Variants in TMEM230 observed in about 807,000 individuals in gnomAD.
The protein encoded by TMEM230 is transmembrane protein 230.
Under a neutral mutation model 15.8 loss-of-function variants are expected in TMEM230, and 10 were observed. The observed-to-expected ratio is 0.63, with a 90% CI of 0.39 to 1.07. The LOEUF is 1.07. Among genes scored for constraint, TMEM230 ranks in the 50% least tolerant of loss-of-function variants. TMEM230 has a pLI of 0.01. For missense variants in TMEM230, 165 were observed against 193.3 expected, an observed-to-expected ratio of 0.85 and a Z score of 0.87; for synonymous variants, 67 against 76.9, an observed-to-expected ratio of 0.87 and a Z score of 0.68.
rs958049345 is a variant in TMEM230 at position 5,111,511 on chromosome 20, A to G, written c.163T>C (p.Ser55Pro). ...GTAGTCCCACCTACTCGGGAGGCTG[A>G]AGCAGAAGAATCGCTTGAAGCCAGG... The change falls in exon 2 of 5, where the codon TCA becomes CCA. Residue 55 changes from serine to proline, a missense_variant. Ser to Pro is a moderately conservative substitution (Grantham distance 74). Transcript: ENST00000342308. 2 of 197,928 alleles carry G rather than the reference A, an allele frequency of 1.0e-5. No homozygotes were observed. The highest frequency in any genetic ancestry group is 2.4e-5 in the African/African-American group (1 of 40,932). The allele number at this position is 197,928 out of a possible 1,614,324, so 12.3% of individuals were successfully genotyped here. A position where few individuals can be genotyped will look rare whatever the true frequency, so the allele number is the denominator to read the frequency against.
chr20:5,088,400 CAG>C (rs965151365), intron 3 of TMEM230, among the ~76,000 whole-genome samples: 53 of 151,630 alleles, frequency 3.5e-4, no homozygotes, highest in African/African-American at 1.1e-3. Context: ...CCACGGGAGA[CAG>C]AGATTTGAAA....
At chr20:5,059,758 A>G in the TMEM230 span, among the ~76,000 whole-genome samples, 3 of 130,260 alleles carry the variant, frequency 2.3e-5, no homozygotes, top group African/African-American at 5.8e-5. Context: ...CACCACTTCC[A>G]GCTAATTTTT....
At chr20:5,108,962 C>A (rs2090201033) in intron 3 of TMEM230, among the ~76,000 whole-genome samples, 1 of 151,940 alleles carries the variant, frequency 6.6e-6, no homozygotes, top group Non-Finnish European at 1.5e-5. Context: ...TGTAAATAAA[C>A]AGTGATAAAA....
At chr20:5,085,810 C>T (rs533018295) in intron 3 of TMEM230, among the ~76,000 whole-genome samples, 134 of 152,242 alleles carry the variant, frequency 8.8e-4, no homozygotes, top group African/African-American at 3.1e-3. Flanking sequence ...GGAGGCCAGG[C>T]TCTTTTCCAT....
intron 3 of TMEM230, among the ~76,000 whole-genome samples, chr20:5,075,568 T>C (rs939892613): frequency 1.4e-5 from 2 of 147,600 alleles, no homozygotes; most frequent in African/African-American, 5.0e-5. Context: ...CTACTAAAAA[T>C]ACAAAAATTA....
chr20:5,090,591 A>T (rs2089479896), intron 3 of TMEM230, among the ~76,000 whole-genome samples: 3 of 152,200 alleles, frequency 2.0e-5, no homozygotes, highest in Admixed American at 2.0e-4. Flanking sequence ...ATACATAGAA[A>T]ATCATGCAAA....
At position 5,106,328 on chromosome 20, in the gene TMEM230, A is replaced by C; in HGVS notation, c.289-18T>G. On this transcript the variant is annotated intron_variant, in intron 3 of 4. Transcript: ENST00000342308. ...TTCTTAAACTGGAAGAGAAATAGAG[A>C]TGAAAAAGACAACGAAGAACATTAA... 1 of 1,584,784 alleles carries C rather than the reference A, an allele frequency of 6.3e-7. No homozygotes were observed. The highest frequency in any genetic ancestry group is 8.5e-7 in the Non-Finnish European group (1 of 1,169,900).
downstream of TMEM230, among the ~76,000 whole-genome samples, chr20:5,067,570 A>C (rs1039425621): frequency 2.7e-5 from 4 of 150,018 alleles, no homozygotes; most frequent in African/African-American, 9.8e-5. Flanking sequence ...CAGCCTCCCG[A>C]GTAGCTGGGA....
intron 3 of TMEM230, among the ~76,000 whole-genome samples, chr20:5,091,533 T>C (rs111255975): frequency 0.012 from 1,826 of 152,254 alleles, 16 homozygotes; most frequent in Non-Finnish European, 0.017. Context: ...TTTGTTGTTT[T>C]TTTTCTCCCA....
At chr20:5,080,272 G>A (rs538078439) in intron 3 of TMEM230, among the ~76,000 whole-genome samples, 2 of 152,264 alleles carry the variant, frequency 1.3e-5, no homozygotes, top group South Asian at 4.1e-4. Context: ...AATCCTCTTG[G>A]TTTTTGTAAG....
intron 3 of TMEM230, among the ~76,000 whole-genome samples, chr20:5,087,547 T>A (rs1481423996): frequency 6.6e-6 from 1 of 150,984 alleles, no homozygotes; most frequent in African/African-American, 2.4e-5. Context: ...CAGGCTGGAA[T>A]GCAGTGGTAC....
chr20:5,083,625 C>T (rs931859572), intron 3 of TMEM230, among the ~76,000 whole-genome samples: 12 of 152,082 alleles, frequency 7.9e-5, no homozygotes, highest in African/African-American at 2.9e-4. Flanking sequence ...ATCTTAAAAT[C>T]AATATTTATA....
intron 3 of TMEM230, among the ~76,000 whole-genome samples, chr20:5,075,531 C>A (rs193178599): frequency 1.3e-5 from 2 of 151,634 alleles, no homozygotes; most frequent in Non-Finnish European, 2.9e-5. Flanking sequence ...TTGAGACCAG[C>A]CTGGCCAACA....
chr20:5,091,058 G>C (rs1246965123), intron 3 of TMEM230, among the ~76,000 whole-genome samples: 1 of 152,142 alleles, frequency 6.6e-6, no homozygotes, highest in Non-Finnish European at 1.5e-5. Context: ...AAGTGCAGTG[G>C]CGAGATCATG....
chr20:5,066,916 C>G (rs990020598), downstream of TMEM230, among the ~76,000 whole-genome samples: 1 of 152,128 alleles, frequency 6.6e-6, no homozygotes, highest in Non-Finnish European at 1.5e-5. Flanking sequence ...ATCCAAGCCC[C>G]TGTTTAAGCT....
At chr20:5,105,842 C>T (rs1036150483) in intron 4 of TMEM230, among the ~76,000 whole-genome samples, 1 of 152,084 alleles carries the variant, frequency 6.6e-6, no homozygotes, top group African/African-American at 2.4e-5. Flanking sequence ...AGTTAGAGAT[C>T]AGCCTGGGCA....
At chr20:5,059,600 T>C in the TMEM230 span, among the ~76,000 whole-genome samples, 1 of 151,834 alleles carries the variant, frequency 6.6e-6, no homozygotes, top group South Asian at 2.1e-4. Flanking sequence ...GCCTTTATTT[T>C]ATCCTTGCCT....
chr20:5,068,999 G>A (rs1414676269), exon 4 of TMEM230: 2 of 574,348 alleles, frequency 3.5e-6, no homozygotes, highest in African/African-American at 3.8e-5. Flanking sequence ...AGGGGGTAGA[G>A]GGCAGCTGGA....
chr20:5,071,329 G>A (rs2088816647), intron 3 of TMEM230, among the ~76,000 whole-genome samples: 1 of 151,950 alleles, frequency 6.6e-6, no homozygotes, highest in African/African-American at 2.4e-5. Context: ...ATGCATGTAA[G>A]GGTACATAGA....
Sources: allele counts gnomAD v4.1 joint callset (sites outside exome capture counted in the v4.1 genomes callset), GRCh38; gene constraint gnomAD v4.1.1; transcripts MANE v1.5; gene names NCBI Gene and HGNC (gene_info 2026-07-23, HGNC 2026-07-21).